PRELID2: variants seen among roughly 807,000 people sequenced by gnomAD.
PRELID2 encodes PRELI domain containing 2.
PRELID2 carries 25 observed loss-of-function variants against 28.4 expected under a neutral mutation model. That is an observed-to-expected ratio of 0.88 (90% CI 0.64 to 1.23). The LOEUF (loss-of-function observed/expected upper bound fraction) is 1.23, where lower values mean the gene tolerates loss of function less well. Among genes scored for constraint, PRELID2 ranks in the 50% most tolerant of loss-of-function variants. The pLI, the probability that PRELID2 is intolerant of heterozygous loss-of-function variation, is 0.00. For missense variants in PRELID2, 201 were observed against 214.4 expected, an observed-to-expected ratio of 0.94 and a Z score of 0.39; for synonymous variants, 76 against 71.6, an observed-to-expected ratio of 1.06 and a Z score of -0.31.
rs116059440 is a variant in PRELID2 at position 145,828,506 on chromosome 5, G to A, written c.76-5372C>T. Among the ~76,000 whole-genome samples the A allele has an allele frequency of 4.8e-3, 725 of 152,230 alleles. 8 individuals carry two copies. Among genetic ancestry groups the A allele is most frequent in the African/African-American group, 0.015 (616 of 41,528 alleles). On this transcript the variant is annotated intron_variant, in intron 1 of 6. Coordinates refer to ENST00000683046, the MANE Select transcript of PRELID2 (RefSeq NM_205846.3). ...AGACTAATAAAAAACTCAGAAGCTCGTGCTTTACCAGTTCGGAATTTGTGT... is the reference window on the plus strand; with the variant it reads ...AGACTAATAAAAAACTCAGAAGCTCATGCTTTACCAGTTCGGAATTTGTGT...
chr5:145,364,198 A>C, the PRELID2 span, among the ~76,000 whole-genome samples: 1 of 151,974 alleles, frequency 6.6e-6, no homozygotes, highest in Non-Finnish European at 1.5e-5. Flanking sequence ...TAAAATAAAC[A>C]CAGAGAGAAG....
chr5:145,767,675 C>T (rs1757850172), intron 5 of PRELID2, among the ~76,000 whole-genome samples: 2 of 152,134 alleles, frequency 1.3e-5, no homozygotes, highest in South Asian at 4.2e-4. Flanking sequence ...CTGTGTGCTC[C>T]CCCTTTTGCA....
At chr5:145,636,621 T>A (rs1334691720) in intron 1 of PRELID2, among the ~76,000 whole-genome samples, 1 of 152,266 alleles carries the variant, frequency 6.6e-6, no homozygotes, top group Non-Finnish European at 1.5e-5. Flanking sequence ...CAGCCAGTTC[T>A]CAGCCACTAG....
At chr5:145,301,130 G>T in the PRELID2 span, among the ~76,000 whole-genome samples, 4 of 152,042 alleles carry the variant, frequency 2.6e-5, no homozygotes, top group African/African-American at 9.7e-5. Flanking sequence ...GTGAGGTTCA[G>T]TTGACCCACA....
chr5:145,450,179 A>G, the PRELID2 span, among the ~76,000 whole-genome samples: 4 of 152,254 alleles, frequency 2.6e-5, no homozygotes, highest in Non-Finnish European at 5.9e-5. Context: ...GTGGATCTTC[A>G]TTACATGGGA....
the PRELID2 span, among the ~76,000 whole-genome samples, chr5:145,332,896 T>G: frequency 1.3e-5 from 2 of 152,194 alleles, no homozygotes; most frequent in Non-Finnish European, 1.5e-5. Flanking sequence ...ATCCTCATCT[T>G]CATGGATTTA....
At chr5:145,418,279 G>A in the PRELID2 span, among the ~76,000 whole-genome samples, 1 of 152,066 alleles carries the variant, frequency 6.6e-6, no homozygotes, top group Non-Finnish European at 1.5e-5. Flanking sequence ...CTCATGATTA[G>A]GAAGAATCAA....
At chr5:145,733,641 A>G (rs1756412050) in intron 1 of PRELID2, among the ~76,000 whole-genome samples, 1 of 152,174 alleles carries the variant, frequency 6.6e-6, no homozygotes. Flanking sequence ...AAAATTTTAC[A>G]CTTAGCCAGC....
intron 1 of PRELID2, among the ~76,000 whole-genome samples, chr5:145,736,535 T>C (rs1268249515): frequency 6.6e-6 from 1 of 152,028 alleles, no homozygotes; most frequent in African/African-American, 2.4e-5. Flanking sequence ...GATGAAGAGG[T>C]TTTTGTTTGA....
the PRELID2 span, among the ~76,000 whole-genome samples, chr5:145,293,410 T>C: frequency 1.3e-5 from 2 of 152,230 alleles, no homozygotes; most frequent in African/African-American, 4.8e-5. Flanking sequence ...ATGTATGTTT[T>C]ATTATTTACA....
chr5:145,499,909 C>G (rs1467588239), intron 1 of PRELID2, among the ~76,000 whole-genome samples: 1 of 152,230 alleles, frequency 6.6e-6, no homozygotes, highest in Non-Finnish European at 1.5e-5. Flanking sequence ...ATTCCAGAAG[C>G]TGAGCTTTGC....
chr5:145,245,365 G>C, the PRELID2 span, among the ~76,000 whole-genome samples: 1 of 151,676 alleles, frequency 6.6e-6, no homozygotes, highest in African/African-American at 2.4e-5. Flanking sequence ...TCCACCCAAA[G>C]TAAGGCAGAC....
downstream of PRELID2, among the ~76,000 whole-genome samples, chr5:145,755,498 T>C (rs117053415): frequency 0.014 from 2,119 of 152,278 alleles, 48 homozygotes; most frequent in East Asian, 0.077. Context: ...AAGAAACCTT[T>C]AAAGGCAACC....
chr5:145,695,568 T>A (rs1048145198), intron 1 of PRELID2, among the ~76,000 whole-genome samples: 1 of 151,820 alleles, frequency 6.6e-6, no homozygotes, highest in African/African-American at 2.4e-5. Flanking sequence ...CCAGGAGAAT[T>A]CAGGTCCTGG....
intron 1 of PRELID2, among the ~76,000 whole-genome samples, chr5:145,655,509 G>C (rs1754377727): frequency 6.6e-6 from 1 of 152,068 alleles, no homozygotes; most frequent in Non-Finnish European, 1.5e-5. Flanking sequence ...ATACTACAAG[G>C]CTACAGTAAC....
chr5:145,469,515 G>C (rs1214235242), downstream of PRELID2, among the ~76,000 whole-genome samples: 1 of 152,008 alleles, frequency 6.6e-6, no homozygotes, highest in Non-Finnish European at 1.5e-5. Context: ...GAGTTCATAA[G>C]CCTTTTTAAG....
intron 5 of PRELID2, among the ~76,000 whole-genome samples, chr5:145,776,819 C>G (rs77593895): frequency 6.6e-6 from 1 of 152,154 alleles, no homozygotes; most frequent in Non-Finnish European, 1.5e-5. Flanking sequence ...CTAGGATATT[C>G]GTTGTATGAT....
the PRELID2 span, among the ~76,000 whole-genome samples, chr5:145,340,109 C>A: frequency 2.0e-5 from 3 of 152,108 alleles, no homozygotes; most frequent in South Asian, 6.2e-4. Context: ...TACTAAGGGG[C>A]CTGAGGACAA....
intron 1 of PRELID2, among the ~76,000 whole-genome samples, chr5:145,614,714 C>T (rs1753669806): frequency 6.6e-6 from 1 of 152,100 alleles, no homozygotes. Context: ...TTTATACGTT[C>T]TAGAAGCTCT....
Sources: gnomAD v4.1 joint callset for allele counts (sites outside exome capture counted in the v4.1 genomes callset) on GRCh38, gnomAD v4.1.1 for gene constraint, MANE v1.5 for transcripts, NCBI Gene and HGNC (gene_info 2026-07-23, HGNC 2026-07-21) for gene names.